Variants in UBAC2 observed in about 807,000 individuals in gnomAD.
UBAC2 encodes UBA domain containing 2, also known as ubiquitin-associated domain-containing protein 2.
In UBAC2, 26 loss-of-function variants were observed where a neutral mutation model predicts 44.0. That is an observed-to-expected ratio of 0.59 (90% CI 0.43 to 0.82). The LOEUF (loss-of-function observed/expected upper bound fraction) is 0.82, where lower values mean the gene tolerates loss of function less well. Among genes scored for constraint, UBAC2 ranks in the 40% least tolerant of loss-of-function variants. The pLI, the probability that UBAC2 is intolerant of heterozygous loss-of-function variation, is 0.00. For missense variants in UBAC2, 329 were observed against 419.4 expected (o/e 0.78, Z 1.88); for synonymous variants, 155 against 154.3 (o/e 1.00, Z -0.04).
At chr13:99,340,048 C>G (rs1261980462) in intron 6 of UBAC2, among the ~76,000 whole-genome samples, 1 of 152,154 alleles carries the variant, frequency 6.6e-6, no homozygotes. Flanking sequence ...TCTTGACAAT[C>G]TTTTACCAGA....
intron 7 of UBAC2, among the ~76,000 whole-genome samples, chr13:99,342,688 G>T (rs753198231): frequency 1.3e-5 from 2 of 152,136 alleles, no homozygotes; most frequent in African/African-American, 4.8e-5. Context: ...GGATGCCCGT[G>T]GTGGGCACGA....
At chr13:99,205,250 T>C (rs1448216020) in intron 1 of UBAC2, among the ~76,000 whole-genome samples, 1 of 152,090 alleles carries the variant, frequency 6.6e-6, no homozygotes, top group African/African-American at 2.4e-5. Context: ...TTAAAAGGTG[T>C]TGGGAAAAAC....
At chr13:99,255,951 A>G in intron 4 of UBAC2, 1 of 1,348,648 alleles carries the variant, frequency 7.4e-7, no homozygotes, top group South Asian at 1.5e-5. Flanking sequence ...CGTTGGTTAA[A>G]AAATAAATGC....
chr13:99,295,781 A>G lies in UBAC2; in HGVS notation c.390-18316A>G, dbSNP rs755549294. On this transcript the variant is annotated intron_variant, in intron 4 of 8. Transcript: ENST00000403766. The surrounding 1 kb of genome is among the most constrained non-coding windows in gnomAD (Gnocchi z 4.1). ...GAAGCGGTCAATACTCAGGCAGGTC[A>G]TAAAGTTCACACCTGCATATGTGTT... is the stretch of plus-strand genomic sequence containing the variant. 2 of 1,613,944 alleles carry G rather than the reference A, an allele frequency of 1.2e-6. No homozygotes were observed. Among genetic ancestry groups the G allele is most frequent in the Admixed American group, 3.3e-5 (2 of 60,024 alleles).
intron 2 of UBAC2, among the ~76,000 whole-genome samples, chr13:99,241,128 G>T (rs919532028): frequency 2.0e-5 from 3 of 151,868 alleles, no homozygotes; most frequent in African/African-American, 4.8e-5. Flanking sequence ...GACGGGTGTG[G>T]TGGTGCACAC....
At chr13:99,207,407 C>G (rs909513428) in intron 1 of UBAC2, among the ~76,000 whole-genome samples, 3 of 152,196 alleles carry the variant, frequency 2.0e-5, no homozygotes, top group East Asian at 3.8e-4. Flanking sequence ...CATCCAACAA[C>G]TCTATCATGT....
At chr13:99,368,693 G>GTGTA (rs1194140644) in intron 8 of UBAC2, among the ~76,000 whole-genome samples, 1 of 112,284 alleles carries the variant, frequency 8.9e-6, no homozygotes, top group Non-Finnish European at 1.9e-5. Context: ...GAGAGAGTGT[G>GTGTA]TGTGTGTGTG....
At chr13:99,283,924 G>A (rs1314875819) in intron 4 of UBAC2, among the ~76,000 whole-genome samples, 4 of 151,682 alleles carry the variant, frequency 2.6e-5, no homozygotes, top group South Asian at 2.1e-4. Flanking sequence ...TAATAGAGAC[G>A]GTGTTTCACC....
At chr13:99,240,027 T>C (rs75273995) in intron 2 of UBAC2, among the ~76,000 whole-genome samples, 1,757 of 152,250 alleles carry the variant, frequency 0.012, 42 homozygotes, top group African/African-American at 0.04. Flanking sequence ...GTAACATGAA[T>C]TTCAGACCCT....
chr13:99,247,191 T>A (rs1431837532), intron 4 of UBAC2, among the ~76,000 whole-genome samples: 3 of 89,246 alleles, frequency 3.4e-5, no homozygotes, highest in African/African-American at 1.3e-4. Flanking sequence ...GAGAGAAAAC[T>A]ACTGTTTTTT....
intron 4 of UBAC2, among the ~76,000 whole-genome samples, chr13:99,267,815 G>A (rs1471737034): frequency 1.3e-5 from 2 of 152,146 alleles, no homozygotes; most frequent in Admixed American, 6.6e-5. Flanking sequence ...AAAACTAGGA[G>A]GATATTTCAG....
At chr13:99,304,874 G>C (rs1167863834) in intron 4 of UBAC2, among the ~76,000 whole-genome samples, 1 of 152,176 alleles carries the variant, frequency 6.6e-6, no homozygotes, top group African/African-American at 2.4e-5. Flanking sequence ...ATTATGGGTA[G>C]AAAACAAGTA....
intron 1 of UBAC2, chr13:99,231,602 G>C (rs1362955562): frequency 6.6e-6 from 1 of 151,464 alleles, no homozygotes; most frequent in Non-Finnish European, 1.5e-5. Context: ...GTAGAGACGG[G>C]GTTTTGCCAT....
chr13:99,223,000 A>G (rs1179989135), intron 1 of UBAC2, among the ~76,000 whole-genome samples: 3 of 152,180 alleles, frequency 2.0e-5, no homozygotes, highest in South Asian at 4.1e-4. Context: ...TCTTTTAACT[A>G]TAAATTCAAT....
chr13:99,348,706 C>T (rs138725918), intron 7 of UBAC2, among the ~76,000 whole-genome samples: 5 of 152,268 alleles, frequency 3.3e-5, no homozygotes, highest in Admixed American at 1.3e-4. Context: ...ATAATATGAA[C>T]GTTGTCTGAA....
chr13:99,250,460 T>C (rs2142753467), intron 4 of UBAC2, among the ~76,000 whole-genome samples: 1 of 152,346 alleles, frequency 6.6e-6, no homozygotes, highest in East Asian at 1.9e-4. Flanking sequence ...TTGCTTACTG[T>C]AGCCTTATAA....
chr13:99,286,624 A>G (rs770103157), intron 4 of UBAC2, among the ~76,000 whole-genome samples: 9 of 152,226 alleles, frequency 5.9e-5, no homozygotes, highest in African/African-American at 1.9e-4. Context: ...ATAGTACCCC[A>G]TATGTGGCTT....
At chr13:99,320,889 C>T (rs1262060940) in intron 6 of UBAC2, among the ~76,000 whole-genome samples, 4 of 152,182 alleles carry the variant, frequency 2.6e-5, no homozygotes, top group African/African-American at 9.7e-5. Context: ...ACATGACTTC[C>T]CCTCTTCCTT....
chr13:99,289,021 C>T (rs1208213609), intron 4 of UBAC2, among the ~76,000 whole-genome samples: 3 of 152,142 alleles, frequency 2.0e-5, no homozygotes, highest in South Asian at 2.1e-4. Flanking sequence ...GACCATAGAC[C>T]GTACGATGGC....
Sources: allele counts gnomAD v4.1 joint callset (sites outside exome capture counted in the v4.1 genomes callset), GRCh38; gene constraint gnomAD v4.1.1; non-coding constraint Gnocchi (gnomAD v3.1); transcripts MANE v1.5; gene names NCBI Gene and HGNC (gene_info 2026-07-23, HGNC 2026-07-21).